The following RNF157 variants were observed in gnomAD, a reference collection of about 807,000 sequenced individuals.
RNF157 encodes ring finger protein 157.
In RNF157, 55 loss-of-function variants were observed where a neutral mutation model predicts 88.3. That is an observed-to-expected ratio of 0.62 (90% CI 0.50 to 0.78). RNF157 has a LOEUF of 0.78. Among genes scored for constraint, RNF157 ranks in the 30% least tolerant of loss-of-function variants. The probability of loss-of-function intolerance (pLI) is 0.00; values close to 1 mark genes in which losing one functional copy is unlikely to be tolerated. For missense variants in RNF157, 788 were observed against 860.8 expected (o/e 0.92, Z 1.06); for synonymous variants, 334 against 341.2 (o/e 0.98, Z 0.23).
In RNF157 at chr17:76,202,128, TCACACACACACACACA is replaced by T. The variant is rs60491535; in HGVS notation, c.207+10220_207+10235del. Reference sequence around the variant, plus strand: ...ATCTCAGTTTCTCTCTCTCTCTCTCTCACACACACACACACACACACACACACACACACACACACAC... The same window carrying T: ...ATCTCAGTTTCTCTCTCTCTCTCTCTCACACACACACACACACACACACAC... On this transcript the variant is annotated intron_variant, in intron 2 of 18. Transcript: ENST00000269391. Among the ~76,000 whole-genome samples the T allele has an allele frequency of 8.2e-5, 11 of 134,602 alleles. 1 individual carries two copies. The highest frequency in any genetic ancestry group is 2.2e-4 in the Admixed American group (3 of 13,658). 88.3% of individuals were successfully genotyped at this position (134,602 alleles called of 152,430 possible).
intron 1 of RNF157, among the ~76,000 whole-genome samples, chr17:76,225,515 TTGAA>T (rs1195075679): frequency 1.3e-5 from 2 of 152,226 alleles, no homozygotes; most frequent in African/African-American, 4.8e-5. Flanking sequence ...TTTTTTTTAA[TTGAA>T]TGGACTATTT....
intron 1 of RNF157, among the ~76,000 whole-genome samples, chr17:76,215,078 C>G (rs1347374154): frequency 2.0e-5 from 3 of 152,106 alleles, no homozygotes; most frequent in Non-Finnish European, 4.4e-5. Flanking sequence ...TATTAAGTGG[C>G]AAAAGGCTTG....
At chr17:76,227,197 T>C (rs2070107895) in intron 1 of RNF157, among the ~76,000 whole-genome samples, 1 of 151,226 alleles carries the variant, frequency 6.6e-6, no homozygotes, top group African/African-American at 2.4e-5. Context: ...CTTGGCTCAC[T>C]GCAACCTCTG....
Position 76,203,270 on chromosome 17 carries a change from C to T in RNF157, c.207+9094G>A, listed in dbSNP as rs1043844060. ...TCTCCCAAAATGCTGCGACTACAGG[C>T]GTCAGCCATCAGGTCCCGCCATCAT... On this transcript the variant is annotated intron_variant, in intron 2 of 18. Transcript: ENST00000269391. Among the ~76,000 whole-genome samples the T allele has an allele frequency of 7.9e-5, 12 of 152,120 alleles. 1 individual carries two copies. Among genetic ancestry groups the T allele is most frequent in the Admixed American group, 5.9e-4 (9 of 15,266 alleles).
In RNF157 at chr17:76,240,135, GCGCC is replaced by G. The variant is rs966238808; in HGVS notation, c.88+14_88+17del. 7.7e-7 allele frequency: 1 copy of G among 1,304,254 alleles called. No individual in the cohort carries two copies. Among genetic ancestry groups the G allele is most frequent in the South Asian group, 2.5e-5 (1 of 39,570 alleles). The allele number at this position is 1,304,254 out of a possible 1,614,324, so 80.8% of individuals were successfully genotyped here. On this transcript the variant is annotated intron_variant, in intron 1 of 18. Coordinates refer to ENST00000269391, the MANE Select transcript of RNF157 (RefSeq NM_052916.3). This position sits in a 1 kb window ranked among gnomAD's most constrained non-coding sequence, Gnocchi z 4.4. ...GCCCCTCTCCCTCCTCGCGGCTGCG[GCGCC>G]CGCCCGCCCTCACCGGACTTGGGCG...
At chr17:76,223,211 G>C (rs144817986) in intron 1 of RNF157, among the ~76,000 whole-genome samples, 2,099 of 133,270 alleles carry the variant, frequency 0.016, 49 homozygotes, top group African/African-American at 0.055. Context: ...TTTTTGAGAC[G>C]TAGTCTCACT....
Position 76,161,461 on chromosome 17 carries a change from G to A in RNF157, c.1065+74C>T, listed in dbSNP as rs1378030970. 2 of 1,119,160 alleles carry A rather than the reference G, an allele frequency of 1.8e-6. No homozygotes were observed. The highest frequency in any genetic ancestry group is 3.4e-5 in the Admixed American group (2 of 58,592). 69.3% of individuals were successfully genotyped at this position (1,119,160 alleles called of 1,614,324 possible). ...TAATTCCTTGCTGCAATGCCACGTAGAGAAGCATGAAAAGTTTAAAAAAGC... is the reference window on the plus strand; with the variant it reads ...TAATTCCTTGCTGCAATGCCACGTAAAGAAGCATGAAAAGTTTAAAAAAGC... On this transcript the variant is annotated intron_variant, in intron 11 of 18. Transcript: ENST00000269391. This position sits in a 1 kb window ranked among gnomAD's most constrained non-coding sequence, Gnocchi z 4.6.
In RNF157 at chr17:76,161,101, A is replaced by C. The variant is rs925074218; in HGVS notation, c.1065+434T>G. On this transcript the variant is annotated intron_variant, in intron 11 of 18. Transcript: ENST00000269391. This position sits in a 1 kb window ranked among gnomAD's most constrained non-coding sequence, Gnocchi z 4.6. ...GTTTCACCCTAATATCAGCACTTAC[A>C]CTAGGAAACTGAAGTCAGTTACTTT... is the stretch of plus-strand genomic sequence containing the variant. 6.6e-6 allele frequency among the ~76,000 whole-genome samples: 1 copy of C among 152,222 alleles called. No homozygotes were observed. Among genetic ancestry groups the C allele is most frequent in the Non-Finnish European group, 1.5e-5 (1 of 68,030 alleles).
chr17:76,162,171 C>T, intron 9 of RNF157, 169 bp from the exon 10 acceptor site: 1 of 671,748 alleles, frequency 1.5e-6, no homozygotes, highest in Non-Finnish European at 2.5e-6. Flanking sequence ...CTTAGCTTCA[C>T]TTCTTCTGGG....
At chr17:76,214,877 C>T (rs1458216934) in intron 1 of RNF157, among the ~76,000 whole-genome samples, 3 of 152,268 alleles carry the variant, frequency 2.0e-5, no homozygotes, top group Middle Eastern at 3.4e-3. Flanking sequence ...CCAAAGGAGG[C>T]TTAGGTTATG....
rs902748563 is a variant in RNF157, at chr17:76,195,627, C to T, written c.207+16737G>A. Among the ~76,000 whole-genome samples the T allele has an allele frequency of 5.3e-5, 8 of 152,128 alleles. No homozygotes were observed. The highest frequency in any genetic ancestry group is 1.2e-4 in the Non-Finnish European group (8 of 68,022). On this transcript the variant is annotated intron_variant, in intron 2 of 18. Transcript: ENST00000269391. The surrounding 1 kb of genome is among the most constrained non-coding windows in gnomAD (Gnocchi z 4.4). ...CAAAATGCCCCAAAAAAGCTCAATGCCTGCAAACAATAGAGTGGATAAATT... is the reference window on the plus strand; with the variant it reads ...CAAAATGCCCCAAAAAAGCTCAATGTCTGCAAACAATAGAGTGGATAAATT...
intron 18 of RNF157, 28 bp downstream of exon 18, chr17:76,152,327 A>C: frequency 7.1e-7 from 1 of 1,400,488 alleles, no homozygotes; most frequent in Non-Finnish European, 1.0e-6. Context: ...TCTCCCACCA[A>C]GTTCATGTTC....
chr17:76,237,741 C>T (rs1203085619), intron 1 of RNF157, among the ~76,000 whole-genome samples: 1 of 152,084 alleles, frequency 6.6e-6, no homozygotes, highest in Non-Finnish European at 1.5e-5. Flanking sequence ...TTGCTTGAGA[C>T]CACGAGTTCA....
At chr17:76,190,075 T>C (rs1272109343) in intron 2 of RNF157, among the ~76,000 whole-genome samples, 4 of 152,036 alleles carry the variant, frequency 2.6e-5, no homozygotes, top group African/African-American at 7.2e-5. Flanking sequence ...ACAGTGGAAT[T>C]GTGGAGACAA....
chr17:76,194,647 A>G (rs1269612517), intron 2 of RNF157, among the ~76,000 whole-genome samples: 3 of 152,236 alleles, frequency 2.0e-5, no homozygotes, highest in Non-Finnish European at 4.4e-5. Flanking sequence ...TCCAGTTTAG[A>G]TAACTCTGCT....
At chr17:76,198,268 C>A (rs1323377036) in intron 2 of RNF157, among the ~76,000 whole-genome samples, 1 of 152,008 alleles carries the variant, frequency 6.6e-6, no homozygotes, top group African/African-American at 2.4e-5. Context: ...TGAGGGAGAG[C>A]CTGTTGATAC....
At chr17:76,212,790 A>C (rs2069825187) in intron 1 of RNF157, among the ~76,000 whole-genome samples, 2 of 152,136 alleles carry the variant, frequency 1.3e-5, no homozygotes. Context: ...TGAACCCAGG[A>C]AACAGAAGTG....
At chr17:76,147,255 G>T in intron 18 of RNF157, 1 of 984,394 alleles carries the variant, frequency 1.0e-6, no homozygotes, top group Non-Finnish European at 1.2e-6. Context: ...TATATAATTT[G>T]GTAGATCTCA....
Position 76,240,279 on chromosome 17 carries a change from C to A in RNF157, c.-39G>T. ...GCAGCCCCGGCCCGGCCCCGGTGCC[C>A]GCGCCGCCCTCCGCGCTTCACCGCG... On this transcript the variant is annotated 5_prime_UTR_variant, in exon 1 of 19. Coordinates refer to ENST00000269391, the MANE Select transcript of RNF157 (RefSeq NM_052916.3). This position sits in a 1 kb window ranked among gnomAD's most constrained non-coding sequence, Gnocchi z 4.4. The A allele has an allele frequency of 1.9e-6, 2 of 1,029,576 alleles. No homozygotes were observed. The highest frequency in any genetic ancestry group is 1.7e-5 in the African/African-American group (1 of 58,076). The allele number at this position is 1,029,576 out of a possible 1,614,324, so 63.8% of individuals were successfully genotyped here.
Sources: gnomAD v4.1 joint callset for allele counts (sites outside exome capture counted in the v4.1 genomes callset) on GRCh38, gnomAD v4.1.1 for gene constraint, Gnocchi (gnomAD v3.1) non-coding constraint, MANE v1.5 for transcripts, NCBI Gene and HGNC (gene_info 2026-07-23, HGNC 2026-07-21) for gene names.